The following SLC30A7 variants were observed in gnomAD, a reference collection of about 807,000 sequenced individuals.
The protein encoded by SLC30A7 is zinc transporter 7.
SLC30A7 carries 35 observed loss-of-function variants against 46.0 expected under a neutral mutation model. The observed-to-expected ratio is 0.76, with a 90% confidence interval of 0.58 to 1.01. The LOEUF (loss-of-function observed/expected upper bound fraction) is 1.01. Ranked by LOEUF, SLC30A7 falls within the 50% of genes least tolerant of loss-of-function variation. The pLI, the probability that SLC30A7 is intolerant of heterozygous loss-of-function variation, is 0.00. For missense variants in SLC30A7, 464 were observed against 451.1 expected, an observed-to-expected ratio of 1.03 and a Z score of -0.26; for synonymous variants, 147 against 157.8, an observed-to-expected ratio of 0.93 and a Z score of 0.51.
At chr1:100,984,198 T>C (rs1279261426), downstream of SLC30A7, among the ~76,000 whole-genome samples, 1 of 152,216 alleles carries the variant, frequency 6.6e-6, no homozygotes, top group Non-Finnish European at 1.5e-5. Flanking sequence ...GGTAGAGTTA[T>C]GGTTTTAAAA....
At chr1:100,916,306 C>T (rs529207314) in intron 6 of SLC30A7, among the ~76,000 whole-genome samples, 15 of 152,192 alleles carry the variant, frequency 9.9e-5, no homozygotes, top group Admixed American at 2.6e-4. Context: ...CCTGCCTCAG[C>T]CTCCCGAGTA....
intron 8 of SLC30A7, among the ~76,000 whole-genome samples, chr1:100,945,871 C>G (rs1654606292): frequency 6.6e-6 from 1 of 152,104 alleles, no homozygotes; most frequent in Non-Finnish European, 1.5e-5. Flanking sequence ...TATAAATTAC[C>G]TTGGGCAGTA....
the SLC30A7 span, among the ~76,000 whole-genome samples, chr1:100,993,559 AATATATATATATATATATATATAT>A: frequency 3.2e-3 from 179 of 56,526 alleles, 6 homozygotes; most frequent in African/African-American, 9.1e-3. Context: ...CGAAAATATA[AATATATATATATATATATATATAT>A]ATATATATAT....
chr1:100,961,290 G>A (rs2101084731), intron 8 of SLC30A7, among the ~76,000 whole-genome samples: 1 of 152,204 alleles, frequency 6.6e-6, no homozygotes, highest in East Asian at 1.9e-4. Context: ...CATCCAAATA[G>A]CCTAAAGCAG....
intron 8 of SLC30A7, among the ~76,000 whole-genome samples, chr1:100,929,252 G>T (rs1653520464): frequency 6.6e-6 from 1 of 151,840 alleles, no homozygotes; most frequent in South Asian, 2.1e-4. Flanking sequence ...TAACATTTTT[G>T]ACTTAGACTT....
intron 8 of SLC30A7, among the ~76,000 whole-genome samples, chr1:100,938,920 G>A (rs553153267): frequency 5.3e-5 from 8 of 152,334 alleles, no homozygotes; most frequent in African/African-American, 1.9e-4. Context: ...CCCAGGTAGA[G>A]AGAGTATAGT....
At chr1:100,954,225 A>C (rs1251456703) in intron 8 of SLC30A7, among the ~76,000 whole-genome samples, 1 of 152,222 alleles carries the variant, frequency 6.6e-6, no homozygotes, top group Non-Finnish European at 1.5e-5. Flanking sequence ...GAGATACTGC[A>C]GTGTGTGCAG....
At chr1:100,988,143 A>T in the SLC30A7 span, among the ~76,000 whole-genome samples, 1 of 152,176 alleles carries the variant, frequency 6.6e-6, no homozygotes, top group Non-Finnish European at 1.5e-5. Flanking sequence ...TGCAGACAGG[A>T]AGCCTCCTCC....
At chr1:100,990,438 G>A in the SLC30A7 span, 1 of 1,613,980 alleles carries the variant, frequency 6.2e-7, no homozygotes, top group Non-Finnish European at 8.5e-7. Flanking sequence ...GAGATTCTGA[G>A]CTATTTTCTG....
Position 100,899,946 on chromosome 1 carries a change from C to T in SLC30A7, c.182+3275C>T, listed in dbSNP as rs139553475. ...CTCAGCCATGTATTCTGCGGAAAGT[C>T]AAGGATTTTTTACTAAGGAAGAAAG... is the stretch of plus-strand genomic sequence containing the variant. On this transcript the variant is annotated intron_variant, in intron 2 of 10. Transcript: ENST00000357650. 9.6e-3 allele frequency among the ~76,000 whole-genome samples: 1,462 copies of T among 151,508 alleles called. 19 individuals carry two copies. Among genetic ancestry groups the T allele is most frequent in the African/African-American group, 0.034 (1,394 of 41,266 alleles).
intron 8 of SLC30A7, among the ~76,000 whole-genome samples, chr1:100,952,823 G>A (rs929561621): frequency 6.6e-6 from 1 of 152,046 alleles, no homozygotes; most frequent in Non-Finnish European, 1.5e-5. Flanking sequence ...CAACATACTC[G>A]GCCATTAAGA....
At chr1:100,908,110 T>G (rs1217753489) in intron 3 of SLC30A7, among the ~76,000 whole-genome samples, 2 of 151,994 alleles carry the variant, frequency 1.3e-5, no homozygotes, top group African/African-American at 4.8e-5. Context: ...GAGCTCTCCC[T>G]TTCCGGTGCA....
At chr1:100,993,164 C>G in the SLC30A7 span, among the ~76,000 whole-genome samples, 1 of 152,078 alleles carries the variant, frequency 6.6e-6, no homozygotes, top group African/African-American at 2.4e-5. Context: ...ACTAAAGCAT[C>G]TTGGATGCTT....
chr1:100,972,419 G>A (rs1656209980), intron 10 of SLC30A7: 1 of 171,776 alleles, frequency 5.8e-6, no homozygotes. Context: ...TCAGGGGAAG[G>A]ATATCAGCTT....
intron 8 of SLC30A7, among the ~76,000 whole-genome samples, chr1:100,961,041 G>A (rs1308584350): frequency 1.4e-5 from 2 of 138,922 alleles, no homozygotes; most frequent in Non-Finnish European, 3.0e-5. Context: ...TGCAAGCTCC[G>A]CCTCCCAGGT....
chr1:100,967,009 T>A (rs576286781), intron 10 of SLC30A7, among the ~76,000 whole-genome samples: 2 of 152,302 alleles, frequency 1.3e-5, no homozygotes, highest in East Asian at 3.9e-4. Flanking sequence ...CCATCATGAG[T>A]TAACATAGCT....
intron 8 of SLC30A7, among the ~76,000 whole-genome samples, chr1:100,936,782 A>AT (rs1653987708): frequency 6.6e-6 from 1 of 151,982 alleles, no homozygotes; most frequent in Non-Finnish European, 1.5e-5. Flanking sequence ...AGCAACCACT[A>AT]TTTTTTCTGT....
intron 8 of SLC30A7, chr1:100,941,298 G>A: frequency 5.4e-6 from 2 of 372,884 alleles, no homozygotes; most frequent in Non-Finnish European, 1.0e-5. Flanking sequence ...AAGCCACCAT[G>A]ACCACTAAAG....
intron 2 of SLC30A7, among the ~76,000 whole-genome samples, chr1:100,904,991 G>A (rs955245938): frequency 1.3e-5 from 2 of 152,062 alleles, no homozygotes; most frequent in African/African-American, 2.4e-5. Context: ...GTAGCAGAAC[G>A]TCTGCTTTGT....
Sources: gnomAD v4.1 joint callset for allele counts (sites outside exome capture counted in the v4.1 genomes callset) on GRCh38, gnomAD v4.1.1 for gene constraint, MANE v1.5 for transcripts, NCBI Gene and HGNC (gene_info 2026-07-23, HGNC 2026-07-21) for gene names.